PCSK2: variants seen among roughly 807,000 people sequenced by gnomAD.
PCSK2 encodes the protein neuroendocrine convertase 2.
Under a neutral mutation model 69.7 loss-of-function variants are expected in PCSK2, and 14 were observed. The observed-to-expected ratio is 0.20, with a 90% confidence interval of 0.13 to 0.31. PCSK2 has a LOEUF of 0.31. Among genes scored for constraint, PCSK2 ranks in the 10% least tolerant of loss-of-function variants. PCSK2 has a pLI of 1.00. For synonymous variants in PCSK2, 307 were observed against 320.7 expected (o/e 0.96, Z 0.46); for missense variants, 544 against 842.5 (o/e 0.65, Z 4.39).
chr20:17,246,943 A>G (rs1267704017), intron 1 of PCSK2, among the ~76,000 whole-genome samples: 2 of 152,216 alleles, frequency 1.3e-5, no homozygotes, highest in Non-Finnish European at 2.9e-5. Flanking sequence ...CTTTGCTCTG[A>G]AGTTGAAACT....
intron 5 of PCSK2, among the ~76,000 whole-genome samples, chr20:17,390,094 A>C (rs1299784987): frequency 6.6e-6 from 1 of 152,260 alleles, no homozygotes; most frequent in African/African-American, 2.4e-5. Context: ...CTGCTGCTGC[A>C]TACAGTACAA....
At chr20:17,315,943 T>G (rs573880263) in intron 2 of PCSK2, among the ~76,000 whole-genome samples, 7 of 152,158 alleles carry the variant, frequency 4.6e-5, no homozygotes, top group Non-Finnish European at 1.0e-4. Flanking sequence ...GGGTTAAAAA[T>G]TAACTGTCCG....
intron 2 of PCSK2, 32 bp from the exon 3 acceptor site, chr20:17,358,294 TA>T (rs1365425065): frequency 3.1e-5 from 36 of 1,160,836 alleles, no homozygotes; most frequent in Non-Finnish European, 4.7e-5. Context: ...GTTCAGATTA[TA>T]TTCAGGTAAT....
chr20:17,328,318 A>AAT (rs557104709), intron 2 of PCSK2, among the ~76,000 whole-genome samples: 13 of 150,582 alleles, frequency 8.6e-5, no homozygotes, highest in Admixed American at 7.3e-4. Context: ...TGTGTATTTT[A>AAT]ATATATATAT....
In PCSK2 at chr20:17,234,319, G is replaced by A. The variant is rs114598181; in HGVS notation, c.177+6837G>A. On this transcript the variant is annotated intron_variant, in intron 1 of 11. Coordinates refer to ENST00000262545, the MANE Select transcript of PCSK2 (RefSeq NM_002594.5). Reference sequence around the variant, plus strand: ...ACTGTTCTTCCTGCTGGCAACCAACGTGCCCTACTCATAATAGGTGTTTAA... The same window carrying A: ...ACTGTTCTTCCTGCTGGCAACCAACATGCCCTACTCATAATAGGTGTTTAA... Among the ~76,000 whole-genome samples, 987 of 152,214 alleles carry A rather than the reference G, an allele frequency of 6.5e-3. 12 individuals carry two copies. The highest frequency in any genetic ancestry group is 0.022 in the African/African-American group (928 of 41,540).
At chr20:17,331,875 C>T (rs1990216812) in intron 2 of PCSK2, among the ~76,000 whole-genome samples, 3 of 151,848 alleles carry the variant, frequency 2.0e-5, no homozygotes, top group African/African-American at 7.3e-5. Flanking sequence ...AACCTGTAGG[C>T]TAGGACCCTG....
intron 2 of PCSK2, among the ~76,000 whole-genome samples, chr20:17,347,490 G>A (rs903215902): frequency 6.6e-6 from 1 of 151,956 alleles, no homozygotes; most frequent in South Asian, 2.1e-4. Context: ...GGGGTTTCTC[G>A]CTTGATGAGC....
rs370658470 is a variant in PCSK2, at chr20:17,464,971, G to C, written c.1203-355G>C. 3.2e-5 allele frequency: 10 copies of C among 308,180 alleles called. No individual in the cohort carries two copies. The East Asian group carries it at 6.6e-4, about 20-fold the overall frequency. The allele number at this position is 308,180 out of a possible 1,614,324, so 19.1% of individuals were successfully genotyped here. On this transcript the variant is annotated intron_variant, in intron 10 of 11. Transcript: ENST00000262545. ...TACAGCCAAACAGTTTTCCAGTTTA[G>C]TTGGAATTACTTGCACGCTCATCCA...
chr20:17,412,145 G>A (rs192410991), intron 6 of PCSK2, among the ~76,000 whole-genome samples: 8 of 152,260 alleles, frequency 5.3e-5, no homozygotes, highest in East Asian at 3.9e-4. Flanking sequence ...GCAGCTCCTC[G>A]ACAGCAACAG....
intron 2 of PCSK2, among the ~76,000 whole-genome samples, chr20:17,289,457 T>G (rs1299346626): frequency 1.3e-5 from 2 of 152,210 alleles, no homozygotes; most frequent in Non-Finnish European, 2.9e-5. Context: ...GAACCCTCTG[T>G]ACTTTCCACT....
At position 17,481,980 on chromosome 20, in the gene PCSK2, C is replaced by G. The variant is rs868257088; in HGVS notation, c.1827C>G (p.Ser609=). 1 of 1,612,780 alleles carries G rather than the reference C, an allele frequency of 6.2e-7. No homozygotes were observed. The highest frequency in any genetic ancestry group is 8.5e-7 in the Non-Finnish European group (1 of 1,179,736). ...ACCAGGTGGTGCGGGATTACCAGTCCAAGTTGGCCATGTCCAAGAAAGAGG... is the reference window on the plus strand; with the variant it reads ...ACCAGGTGGTGCGGGATTACCAGTCGAAGTTGGCCATGTCCAAGAAAGAGG... ...YIDQVVRDYQ[S]KLAMSKKEEL... is the part of the protein sequence containing the mutation. The change falls in exon 12 of 12, where the codon TCC becomes TCG. Residue 609 remains serine (S), a synonymous_variant. Coordinates refer to ENST00000262545, the MANE Select transcript of PCSK2 (RefSeq NM_002594.5).
chr20:17,304,157 T>C (rs983983973), intron 2 of PCSK2, among the ~76,000 whole-genome samples: 9 of 152,010 alleles, frequency 5.9e-5, no homozygotes, highest in Non-Finnish European at 8.8e-5. Flanking sequence ...TTTTGGAGAA[T>C]TAATGATACT....
intron 5 of PCSK2, among the ~76,000 whole-genome samples, chr20:17,381,448 A>G (rs2031084917): frequency 6.6e-6 from 1 of 152,116 alleles, no homozygotes; most frequent in Admixed American, 6.6e-5. Context: ...AGCATTGCCA[A>G]TTTTTTAAAT....
chr20:17,244,012 G>A (rs540915847), intron 1 of PCSK2, among the ~76,000 whole-genome samples: 1 of 152,196 alleles, frequency 6.6e-6, no homozygotes, highest in East Asian at 1.9e-4. Flanking sequence ...TATCAGTGAT[G>A]TCTGTAAATT....
chr20:17,318,501 A>C (rs1172406989), intron 2 of PCSK2, among the ~76,000 whole-genome samples: 1 of 152,250 alleles, frequency 6.6e-6, no homozygotes, highest in Non-Finnish European at 1.5e-5. Context: ...GGCAAAATGC[A>C]TTCTGCATTG....
intron 11 of PCSK2, among the ~76,000 whole-genome samples, chr20:17,469,943 G>A (rs1362461258): frequency 6.6e-6 from 1 of 152,102 alleles, no homozygotes; most frequent in Non-Finnish European, 1.5e-5. Context: ...CCTAGTGGGT[G>A]CTCCCATCTC....
intron 10 of PCSK2, among the ~76,000 whole-genome samples, chr20:17,457,977 TA>T (rs2032951243): frequency 6.6e-6 from 1 of 152,206 alleles, no homozygotes; most frequent in Non-Finnish European, 1.5e-5. Context: ...GCTGGACTCC[TA>T]GAGATTCATG....
At chr20:17,255,662 C>A (rs541188612) in intron 1 of PCSK2, among the ~76,000 whole-genome samples, 1 of 152,020 alleles carries the variant, frequency 6.6e-6, no homozygotes, top group African/African-American at 2.4e-5. Context: ...TTTTTTAAAA[C>A]GTATTTATTA....
At chr20:17,294,933 T>C (rs1464392229) in intron 2 of PCSK2, among the ~76,000 whole-genome samples, 4 of 152,180 alleles carry the variant, frequency 2.6e-5, no homozygotes, top group Admixed American at 6.5e-5. Context: ...TCCCTTCCTT[T>C]ACTTCTTTCT....
Sources: gnomAD v4.1 joint callset for allele counts (sites outside exome capture counted in the v4.1 genomes callset) on GRCh38, gnomAD v4.1.1 for gene constraint, MANE v1.5 for transcripts, NCBI Gene and HGNC (gene_info 2026-07-23, HGNC 2026-07-21) for gene names.